Variants in ROBO1 observed in about 807,000 individuals in gnomAD.
The protein encoded by ROBO1 is roundabout guidance receptor 1, also known as roundabout homolog 1.
Under a neutral mutation model 195.9 loss-of-function variants are expected in ROBO1, and 149 were observed. That is an observed-to-expected ratio of 0.76 (90% CI 0.67 to 0.87). The LOEUF (loss-of-function observed/expected upper bound fraction) is 0.87. Ranked by LOEUF, ROBO1 falls within the 40% of genes least tolerant of loss-of-function variation. ROBO1 has a pLI of 0.00. For synonymous variants in ROBO1, 816 were observed against 733.2 expected (o/e 1.11, Z -1.82); for missense variants, 1,933 against 2,068.3 (o/e 0.93, Z 1.27).
At chr3:79,304,623 TTTA>T (rs2033136753) in intron 2 of ROBO1, among the ~76,000 whole-genome samples, 1 of 152,188 alleles carries the variant, frequency 6.6e-6, no homozygotes, top group Non-Finnish European at 1.5e-5. Context: ...ACAACATATA[TTTA>T]TTATTTGCTT....
intron 4 of ROBO1, among the ~76,000 whole-genome samples, chr3:78,815,264 A>C (rs2108646840): frequency 6.6e-6 from 1 of 152,298 alleles, no homozygotes; most frequent in South Asian, 2.1e-4. Flanking sequence ...TCACTGAGGA[A>C]GGCATGTTGA....
chr3:79,198,721 T>C (rs1246874801), intron 2 of ROBO1, among the ~76,000 whole-genome samples: 1 of 152,096 alleles, frequency 6.6e-6, no homozygotes, highest in Non-Finnish European at 1.5e-5. Flanking sequence ...CCTTGAGCAG[T>C]GGTTTGTAGT....
chr3:79,037,574 G>C (rs2078403348), intron 3 of ROBO1, among the ~76,000 whole-genome samples: 1 of 152,090 alleles, frequency 6.6e-6, no homozygotes, highest in African/African-American at 2.4e-5. Context: ...ATATTACTAA[G>C]GGATTTTATG....
chr3:78,603,445 T>C (rs1278021546), intron 29 of ROBO1, among the ~76,000 whole-genome samples: 3 of 152,166 alleles, frequency 2.0e-5, no homozygotes, highest in Non-Finnish European at 4.4e-5. Flanking sequence ...TATGAATTTA[T>C]AGATTATCTG....
intron 1 of ROBO1, among the ~76,000 whole-genome samples, chr3:79,767,271 A>G (rs138850439): frequency 3.3e-5 from 5 of 152,214 alleles, no homozygotes; most frequent in Non-Finnish European, 7.3e-5. Flanking sequence ...AGCGGCACTG[A>G]GATTAGGCTG....
intron 2 of ROBO1, among the ~76,000 whole-genome samples, chr3:79,455,790 T>C (rs2039600505): frequency 6.6e-6 from 1 of 152,140 alleles, no homozygotes; most frequent in Non-Finnish European, 1.5e-5. Flanking sequence ...AACTGATAAG[T>C]TGTAATTATT....
intron 3 of ROBO1, among the ~76,000 whole-genome samples, chr3:79,053,058 G>T (rs1384346159): frequency 1.3e-5 from 2 of 152,072 alleles, no homozygotes; most frequent in Non-Finnish European, 2.9e-5. Context: ...CTTAGATGTA[G>T]AACTATGGGA....
intron 4 of ROBO1, among the ~76,000 whole-genome samples, chr3:78,901,252 A>G (rs889654897): frequency 2.6e-5 from 4 of 152,216 alleles, no homozygotes; most frequent in African/African-American, 9.6e-5. Flanking sequence ...AATCAAGAAC[A>G]CAGCAGATGC....
chr3:79,625,292 A>G (rs999405233), intron 1 of ROBO1, among the ~76,000 whole-genome samples: 2 of 151,838 alleles, frequency 1.3e-5, no homozygotes, highest in African/African-American at 2.4e-5. Flanking sequence ...TAAAAGAGCT[A>G]CAGAGGCAAT....
chr3:78,812,253 G>A (rs1305750409), intron 4 of ROBO1, among the ~76,000 whole-genome samples: 2 of 152,094 alleles, frequency 1.3e-5, no homozygotes, highest in Admixed American at 1.3e-4. Context: ...CAGAGTAAAA[G>A]ACAAACTGTG....
At chr3:78,891,664 A>G (rs990732173) in intron 4 of ROBO1, among the ~76,000 whole-genome samples, 3 of 152,256 alleles carry the variant, frequency 2.0e-5, no homozygotes, top group Admixed American at 6.5e-5. Context: ...CATATTCATA[A>G]TAGCTGAAAC....
intron 3 of ROBO1, among the ~76,000 whole-genome samples, chr3:79,017,450 A>AGTGTGTGTGTGTGCGTGT (rs2077974031): frequency 7.5e-6 from 1 of 133,432 alleles, no homozygotes; most frequent in Non-Finnish European, 1.6e-5. Flanking sequence ...TCCGAGGTGC[A>AGTGTGTGTGTGTGCGTGT]GTGTGTGTGT....
At chr3:78,802,019 T>C (rs2084386996) in intron 4 of ROBO1, among the ~76,000 whole-genome samples, 1 of 152,160 alleles carries the variant, frequency 6.6e-6, no homozygotes, top group South Asian at 2.1e-4. Context: ...TAAAGAGGTC[T>C]TATGAATGTT....
chr3:79,056,320 G>T (rs1439357673), intron 3 of ROBO1, among the ~76,000 whole-genome samples: 1 of 151,908 alleles, frequency 6.6e-6, no homozygotes, highest in Non-Finnish European at 1.5e-5. Flanking sequence ...ATTTCCCCAG[G>T]CCTATATTCT....
chr3:79,727,995 C>A (rs1380667172), intron 1 of ROBO1, among the ~76,000 whole-genome samples: 1 of 152,018 alleles, frequency 6.6e-6, no homozygotes, highest in Non-Finnish European at 1.5e-5. Flanking sequence ...GATTAATGTT[C>A]TTTAAGACTT....
At chr3:78,891,476 A>G (rs987721912) in intron 4 of ROBO1, among the ~76,000 whole-genome samples, 2 of 152,188 alleles carry the variant, frequency 1.3e-5, no homozygotes, top group African/African-American at 4.8e-5. Flanking sequence ...GCAAAAATAG[A>G]AACAACCCTC....
chr3:79,503,724 C>T (rs1940241469), intron 2 of ROBO1, among the ~76,000 whole-genome samples: 1 of 152,298 alleles, frequency 6.6e-6, no homozygotes, highest in East Asian at 1.9e-4. Context: ...AATCTGTTTT[C>T]AGTCTACTAT....
At chr3:79,523,416 G>A (rs1481435452) in intron 2 of ROBO1, among the ~76,000 whole-genome samples, 1 of 140,124 alleles carries the variant, frequency 7.1e-6, no homozygotes, top group African/African-American at 2.7e-5. Flanking sequence ...AAAAAAAATT[G>A]TTCACCAAAA....
intron 3 of ROBO1, among the ~76,000 whole-genome samples, chr3:78,960,391 G>A (rs1316820901): frequency 6.7e-6 from 1 of 149,482 alleles, no homozygotes; most frequent in East Asian, 1.9e-4. Flanking sequence ...ATATGTATTT[G>A]TAATATCTAT....
Sources: gnomAD v4.1 joint callset for allele counts (sites outside exome capture counted in the v4.1 genomes callset) on GRCh38, gnomAD v4.1.1 for gene constraint, MANE v1.5 for transcripts, NCBI Gene and HGNC (gene_info 2026-07-23, HGNC 2026-07-21) for gene names.